The following BICDL1 variants were observed in gnomAD, a reference collection of about 807,000 sequenced individuals.
The protein encoded by BICDL1 is BICD family-like cargo adapter 1.
Under a neutral mutation model 76.8 loss-of-function variants are expected in BICDL1, and 20 were observed. That is an observed-to-expected ratio of 0.26 (90% CI 0.18 to 0.38). The LOEUF is 0.38. Ranked by LOEUF, BICDL1 falls within the 10% of genes least tolerant of loss-of-function variation. BICDL1 has a pLI of 1.00. For synonymous variants in BICDL1, 383 were observed against 337.1 expected (o/e 1.14, Z -1.49); for missense variants, 700 against 798.6 (o/e 0.88, Z 1.49).
intron 2 of BICDL1, among the ~76,000 whole-genome samples, chr12:120,022,577 A>G (rs1189576377): frequency 6.6e-6 from 1 of 151,752 alleles, no homozygotes; most frequent in Non-Finnish European, 1.5e-5. Context: ...TAGCTTTATA[A>G]GGTATATTGG....
chr12:120,011,870 C>G (rs989368079), intron 2 of BICDL1, among the ~76,000 whole-genome samples: 2 of 152,198 alleles, frequency 1.3e-5, no homozygotes, highest in African/African-American at 4.8e-5. Flanking sequence ...GACCTAGGTT[C>G]TAGCCCATGT....
rs142301067 is a variant in BICDL1, at chr12:120,031,653, A to G, written c.646-30057A>G. Among the ~76,000 whole-genome samples, 3 of 152,292 alleles carry G rather than the reference A, an allele frequency of 2.0e-5. No homozygotes were observed. In the East Asian group the frequency reaches 5.8e-4, roughly 29 times the overall value. On this transcript the variant is annotated intron_variant, in intron 2 of 9. Coordinates refer to ENST00000548673, the MANE Select transcript of BICDL1 (RefSeq NM_001367886.1). ...TTTGTGCACCAAGCACTTGATGGGT[A>G]CTTATCAAATGTGTGTTGAAAGCAT...
intron 4 of BICDL1, among the ~76,000 whole-genome samples, chr12:120,067,428 C>G (rs1254800118): frequency 6.6e-6 from 1 of 152,254 alleles, no homozygotes; most frequent in South Asian, 2.1e-4. Context: ...GTGTACTGTA[C>G]AAACACAAAG....
At chr12:119,999,696 A>G (rs1376964760) in intron 2 of BICDL1, 3 of 385,490 alleles carry the variant, frequency 7.8e-6, no homozygotes, top group African/African-American at 6.4e-5. Context: ...TAAATACAGA[A>G]CATACCTTTT....
chr12:120,042,153 A>G (rs1056281008), intron 2 of BICDL1, among the ~76,000 whole-genome samples: 1 of 152,134 alleles, frequency 6.6e-6, no homozygotes, highest in Admixed American at 6.5e-5. Context: ...CATCCTGGAT[A>G]TTAATTTTAC....
chr12:120,011,767 T>C (rs1187821362), intron 2 of BICDL1, among the ~76,000 whole-genome samples: 1 of 147,450 alleles, frequency 6.8e-6, no homozygotes, highest in African/African-American at 2.5e-5. Flanking sequence ...GAGGTTTTTT[T>C]CTCATTCCCA....
intron 1 of BICDL1, among the ~76,000 whole-genome samples, chr12:119,996,950 A>ATTT (rs368753843): frequency 1.6e-5 from 2 of 121,426 alleles, no homozygotes; most frequent in Non-Finnish European, 3.6e-5. Context: ...AAACAAAAAG[A>ATTT]TTTTTTTTTT....
chr12:120,018,977 G>T (rs1006379598), intron 2 of BICDL1: 1 of 150,834 alleles, frequency 6.6e-6, no homozygotes, highest in African/African-American at 2.4e-5. Context: ...CCCGGGAGGC[G>T]GAGCTTGCAG....
chr12:120,033,101 G>A (rs1952457894), intron 2 of BICDL1, among the ~76,000 whole-genome samples: 1 of 151,790 alleles, frequency 6.6e-6, no homozygotes, highest in Non-Finnish European at 1.5e-5. Flanking sequence ...TTTGTAACCT[G>A]CTTTTTAGAT....
intron 2 of BICDL1, among the ~76,000 whole-genome samples, chr12:120,055,965 A>G (rs75331657): frequency 0.014 from 2,058 of 152,314 alleles, 44 homozygotes; most frequent in East Asian, 0.043. Flanking sequence ...GAACAAAGAT[A>G]TTTTTTGGAG....
Position 120,079,071 on chromosome 12 carries a change from G to A in BICDL1, c.1453-1816G>A, listed in dbSNP as rs908318807. On this transcript the variant is annotated intron_variant, in intron 7 of 9. Coordinates refer to ENST00000548673, the MANE Select transcript of BICDL1 (RefSeq NM_001367886.1). This position sits in a 1 kb window ranked among gnomAD's most constrained non-coding sequence, Gnocchi z 4.3. ...CAGGTGCTCCAGCCTGTTCTTCCCC[G>A]AGGCTTCCGCCCTCCTCACCCAGCT... Among the ~76,000 whole-genome samples the A allele has an allele frequency of 4.6e-5, 7 of 152,218 alleles. No individual in the cohort carries two copies. The highest frequency in any genetic ancestry group is 1.2e-4 in the African/African-American group (5 of 41,460).
At chr12:120,056,523 A>T (rs1446968613) in intron 2 of BICDL1, among the ~76,000 whole-genome samples, 1 of 152,224 alleles carries the variant, frequency 6.6e-6, no homozygotes, top group Non-Finnish European at 1.5e-5. Context: ...GTTCGAGACC[A>T]GCCTGACCAA....
intron 2 of BICDL1, among the ~76,000 whole-genome samples, chr12:120,013,380 A>G (rs750149696): frequency 2.8e-4 from 42 of 151,056 alleles, no homozygotes; most frequent in Non-Finnish European, 5.7e-4. Context: ...ACATGATTAT[A>G]TTTCTTCTCC....
chr12:120,009,564 G>A (rs1363322879), intron 2 of BICDL1, among the ~76,000 whole-genome samples: 1 of 152,170 alleles, frequency 6.6e-6, no homozygotes, highest in African/African-American at 2.4e-5. Flanking sequence ...CTTGTAGACA[G>A]CTTGGTATAT....
Position 119,989,411 on chromosome 12 carries a change from C to G in BICDL1, c.-458C>G, listed in dbSNP as rs1480944053. 2.0e-5 allele frequency among the ~76,000 whole-genome samples: 3 copies of G among 150,752 alleles called. No individual in the cohort carries two copies. Among genetic ancestry groups the G allele is most frequent in the Non-Finnish European group, 4.4e-5 (3 of 67,550 alleles). ...ACAGCAGCAGCAGCAGGAAGCGTCG[C>G]GGCGACAGCGGAGCGCAGCCCGCCC... On this transcript the variant is annotated 5_prime_UTR_variant, in exon 1 of 10. Coordinates refer to ENST00000548673, the MANE Select transcript of BICDL1 (RefSeq NM_001367886.1).
At chr12:120,024,160 A>T (rs947058500) in intron 2 of BICDL1, among the ~76,000 whole-genome samples, 1 of 152,074 alleles carries the variant, frequency 6.6e-6, no homozygotes, top group Non-Finnish European at 1.5e-5. Flanking sequence ...GCACGCTTGT[A>T]ATCCCAGCTA....
chr12:120,055,472 G>A (rs1165068594), intron 2 of BICDL1, among the ~76,000 whole-genome samples: 1 of 152,094 alleles, frequency 6.6e-6, no homozygotes, highest in East Asian at 1.9e-4. Context: ...TGTCCTAGAT[G>A]GTACTCTGAC....
intron 7 of BICDL1, among the ~76,000 whole-genome samples, chr12:120,076,505 A>C (rs185677074): frequency 6.6e-6 from 1 of 152,228 alleles, no homozygotes; most frequent in Non-Finnish European, 1.5e-5. Context: ...ATTCAGAAAC[A>C]TAAGCAAATT....
chr12:119,994,136 C>G (rs1951586663), intron 1 of BICDL1, among the ~76,000 whole-genome samples: 1 of 152,142 alleles, frequency 6.6e-6, no homozygotes, highest in Admixed American at 6.5e-5. Context: ...TGGATTATCT[C>G]TTTACTGCAG....
Sources: allele counts gnomAD v4.1 joint callset (sites outside exome capture counted in the v4.1 genomes callset), GRCh38; gene constraint gnomAD v4.1.1; non-coding constraint Gnocchi (gnomAD v3.1); transcripts MANE v1.5; gene names NCBI Gene and HGNC (gene_info 2026-07-23, HGNC 2026-07-21).